The following ANTXR1 variants were observed in gnomAD, a reference collection of about 807,000 sequenced individuals.
ANTXR1 encodes ANTXR cell adhesion molecule 1, also known as anthrax toxin receptor 1.
In ANTXR1, 19 loss-of-function variants were observed where a neutral mutation model predicts 78.1. The observed-to-expected ratio is 0.24, with a 90% confidence interval of 0.17 to 0.36. ANTXR1 has a LOEUF of 0.36. Ranked by LOEUF, ANTXR1 falls within the 10% of genes least tolerant of loss-of-function variation. The pLI is 1.00. For synonymous variants in ANTXR1, 273 were observed against 260.5 expected, an observed-to-expected ratio of 1.05 and a Z score of -0.46; for missense variants, 518 against 718.6, an observed-to-expected ratio of 0.72 and a Z score of 3.19.
intron 1 of ANTXR1, among the ~76,000 whole-genome samples, chr2:69,019,483 C>A (rs1429006928): frequency 1.3e-5 from 2 of 152,030 alleles, no homozygotes; most frequent in South Asian, 2.1e-4. Flanking sequence ...ATTATATAAC[C>A]TGCAAATAAC....
chr2:69,075,786 G>A, intron 7 of ANTXR1, 128 bp downstream of exon 7: 1 of 907,528 alleles, frequency 1.1e-6, no homozygotes, highest in Middle Eastern at 2.2e-4. Context: ...TTCTAGAAAT[G>A]CTAAACAGGA....
rs1675991628 is a variant in ANTXR1, at chr2:69,245,279, C to T, written c.1489C>T (p.Leu497Phe). 1 of 1,613,846 alleles carries T rather than the reference C, an allele frequency of 6.2e-7. No individual in the cohort carries two copies. The highest frequency in any genetic ancestry group is 8.5e-7 in the Non-Finnish European group (1 of 1,179,958). ...VKNNQPAKYP[L>F]NNAYHTSSPP... is the part of the protein sequence containing the mutation. ...GAACAACCAGCCAGCCAAGTACCCA[C>T]TCAACAACGCCTACCACACCTCCTC... is the stretch of plus-strand genomic sequence containing the variant. The change falls in exon 18 of 18, where the codon CTC (leucine) becomes TTC (phenylalanine). Residue 497 changes from leucine to phenylalanine, a missense_variant. By Grantham distance (22) the Leu-to-Phe change is conservative (BLOSUM62 0). Transcript: ENST00000303714.
In ANTXR1 at chr2:69,245,605, G is replaced by T; in HGVS notation, c.*120G>T. On this transcript the variant is annotated 3_prime_UTR_variant, in exon 18 of 18. Coordinates refer to ENST00000303714, the MANE Select transcript of ANTXR1 (RefSeq NM_032208.3). The stretch of plus-strand genomic sequence containing the variant: ...CTGACCTTCACACATTCTAAAAATT[G>T]GTTGGCAATGCCAGTATACCAACAA... 1 of 1,424,244 alleles carries T rather than the reference G, an allele frequency of 7.0e-7. No individual in the cohort carries two copies. 88.2% of individuals were successfully genotyped at this position (1,424,244 alleles called of 1,614,324 possible).
At chr2:69,106,886 T>C (rs575116468) in intron 10 of ANTXR1, among the ~76,000 whole-genome samples, 1 of 152,168 alleles carries the variant, frequency 6.6e-6, no homozygotes, top group East Asian at 1.9e-4. Context: ...AGAGAGCCAA[T>C]CTGAAAGAGA....
At chr2:69,047,107 G>C (rs966718566) in intron 3 of ANTXR1, among the ~76,000 whole-genome samples, 21 of 152,136 alleles carry the variant, frequency 1.4e-4, no homozygotes, top group African/African-American at 4.6e-4. Flanking sequence ...ATGGAGGGCT[G>C]ACTTCTAGTA....
chr2:69,217,216 C>T (rs979324038), intron 17 of ANTXR1, among the ~76,000 whole-genome samples: 1 of 152,200 alleles, frequency 6.6e-6, no homozygotes, highest in Non-Finnish European at 1.5e-5. Flanking sequence ...ACATGCATCT[C>T]ACCAGTCAGC....
At chr2:69,047,815 A>G (rs574770380) in intron 3 of ANTXR1, among the ~76,000 whole-genome samples, 3 of 152,286 alleles carry the variant, frequency 2.0e-5, no homozygotes, top group East Asian at 1.9e-4. Flanking sequence ...TGCTACTTCA[A>G]TTTTACAGAT....
At chr2:69,151,926 G>A (rs534547168) in intron 12 of ANTXR1, among the ~76,000 whole-genome samples, 1 of 152,294 alleles carries the variant, frequency 6.6e-6, no homozygotes, top group East Asian at 1.9e-4. Context: ...CTTTCAAAAT[G>A]TTCCTCAAAG....
rs888649457 is a variant in ANTXR1, at chr2:69,203,210, C to T, written c.1434+9795C>T. Among the ~76,000 whole-genome samples the T allele has an allele frequency of 8.5e-5, 13 of 152,172 alleles. 1 individual carries two copies. Among genetic ancestry groups the T allele is most frequent in the Admixed American group, 4.6e-4 (7 of 15,278 alleles). On this transcript the variant is annotated intron_variant, in intron 17 of 17. Transcript: ENST00000303714. ...ACCTTTTATAAATTTTTGTAAGAAA[C>T]GGATCATTTTAAGAAAAAGGAAGAA...
At chr2:69,102,574 G>T (rs1671658069) in intron 9 of ANTXR1, among the ~76,000 whole-genome samples, 1 of 152,248 alleles carries the variant, frequency 6.6e-6, no homozygotes, top group Non-Finnish European at 1.5e-5. Context: ...AGGGAGGAAG[G>T]TGTTCTGCGT....
At chr2:69,225,918 G>A (rs141682310) in intron 17 of ANTXR1, among the ~76,000 whole-genome samples, 133 of 152,322 alleles carry the variant, frequency 8.7e-4, no homozygotes, top group African/African-American at 3.1e-3. Flanking sequence ...TGTGATGGCC[G>A]GAAAGAGGAC....
At chr2:69,072,838 G>C (rs533690831) in intron 5 of ANTXR1, among the ~76,000 whole-genome samples, 184 bp from the exon 6 acceptor site, 1 of 152,342 alleles carries the variant, frequency 6.6e-6, no homozygotes, top group South Asian at 2.1e-4. Flanking sequence ...TCCCCCTAAA[G>C]TCTGTCCCCA....
intron 8 of ANTXR1, among the ~76,000 whole-genome samples, chr2:69,083,873 C>T (rs1670967501): frequency 3.3e-5 from 5 of 152,156 alleles, no homozygotes; most frequent in Admixed American, 3.3e-4. Context: ...CTGTAGTGGG[C>T]AGAGAATCTT....
rs922483276 is a variant in ANTXR1 at position 69,172,299 on chromosome 2, T to A, written c.1089+2010T>A. On this transcript the variant is annotated intron_variant, in intron 14 of 17. Coordinates refer to ENST00000303714, the MANE Select transcript of ANTXR1 (RefSeq NM_032208.3). ...TCAGGCGCTTTTTGGCATGTGCTGATTGCCTTAGCGTGTGTGTTGGCCCTG... is the reference window on the plus strand; with the variant it reads ...TCAGGCGCTTTTTGGCATGTGCTGAATGCCTTAGCGTGTGTGTTGGCCCTG... 3 of 1,345,258 alleles carry A rather than the reference T, an allele frequency of 2.2e-6. No homozygotes were observed. In the African/African-American group the frequency reaches 4.3e-5, roughly 19 times the overall value. The allele number at this position is 1,345,258 out of a possible 1,614,324, so 83.3% of individuals were successfully genotyped here. A position where few individuals can be genotyped will look rare whatever the true frequency, so the allele number is the denominator to read the frequency against.
At chr2:69,196,197 T>A (rs756236976) in intron 17 of ANTXR1, among the ~76,000 whole-genome samples, 8 of 152,252 alleles carry the variant, frequency 5.3e-5, no homozygotes, top group Non-Finnish European at 1.2e-4. Flanking sequence ...AGAGACATAA[T>A]ACCACCTTGA....
At chr2:69,193,459 TCACATACACACA>T (rs1259783686) in intron 17 of ANTXR1, 44 bp downstream of exon 17, 2 of 1,044,074 alleles carry the variant, frequency 1.9e-6, no homozygotes, top group Non-Finnish European at 1.4e-6. Flanking sequence ...TCTCTCTCTC[TCACATACACACA>T]CACACACACA....
chr2:69,177,750 G>T (rs995308529), intron 14 of ANTXR1, among the ~76,000 whole-genome samples: 1 of 152,078 alleles, frequency 6.6e-6, no homozygotes, highest in Non-Finnish European at 1.5e-5. Flanking sequence ...TTTACTGAAG[G>T]TTTAAAAGTA....
intron 1 of ANTXR1, among the ~76,000 whole-genome samples, chr2:69,024,052 C>T (rs1671273891): frequency 6.6e-6 from 1 of 152,120 alleles, no homozygotes; most frequent in Admixed American, 6.5e-5. Context: ...ACATATCTAT[C>T]ATCTATGTTT....
chr2:69,127,789 G>A (rs941944387), intron 12 of ANTXR1, among the ~76,000 whole-genome samples: 2 of 152,064 alleles, frequency 1.3e-5, no homozygotes, highest in Admixed American at 6.6e-5. Flanking sequence ...ATGTCCCAAG[G>A]GTTTTGGCCT....
Sources: gnomAD v4.1 joint callset for allele counts (sites outside exome capture counted in the v4.1 genomes callset) on GRCh38, gnomAD v4.1.1 for gene constraint, MANE v1.5 for transcripts, NCBI Gene and HGNC (gene_info 2026-07-23, HGNC 2026-07-21) for gene names.